The following SORCS2 variants were observed in gnomAD, a reference collection of about 807,000 sequenced individuals.
SORCS2 encodes the protein sortilin related VPS10 domain containing receptor 2, also known as VPS10 domain-containing receptor SorCS2.
A neutral mutation model predicts 141.6 loss-of-function variants in SORCS2; 100 were observed. The ratio of observed to expected loss-of-function variants is 0.71; its 90% CI spans 0.60 to 0.83. The LOEUF is 0.83. SORCS2 is among the 40% of genes least tolerant of loss of function. The probability of loss-of-function intolerance (pLI) is 0.00; values close to 1 mark genes in which losing one functional copy is unlikely to be tolerated. For missense variants in SORCS2, 1,646 were observed against 1,560.2 expected (o/e 1.05, Z -0.93); for synonymous variants, 789 against 676.9 (o/e 1.17, Z -2.57).
At chr4:7,307,856 G>A (rs1043803210) in intron 1 of SORCS2, among the ~76,000 whole-genome samples, 33 of 151,980 alleles carry the variant, frequency 2.2e-4, no homozygotes, top group Admixed American at 1.2e-3. Context: ...TGTGTGCTTG[G>A]TGTGTGTATG....
At chr4:7,529,310 T>G (rs1252759840) in intron 2 of SORCS2, among the ~76,000 whole-genome samples, 2 of 152,154 alleles carry the variant, frequency 1.3e-5, no homozygotes, top group Non-Finnish European at 2.9e-5. Flanking sequence ...CCTACACCGT[T>G]GATTCTTCTT....
chr4:7,433,861 A>G (rs748061483), intron 2 of SORCS2: 1 of 1,613,908 alleles, frequency 6.2e-7, no homozygotes, highest in Non-Finnish European at 8.5e-7. Context: ...GTAGGTGTCC[A>G]CCAAGATGAT....
intron 1 of SORCS2, among the ~76,000 whole-genome samples, chr4:7,273,040 G>T (rs1460005373): frequency 6.6e-6 from 1 of 152,234 alleles, no homozygotes; most frequent in Non-Finnish European, 1.5e-5. Context: ...TTTCTGAGTA[G>T]GGGGCTGCTA....
At chr4:7,544,995 T>C (rs1334012607) in intron 3 of SORCS2, among the ~76,000 whole-genome samples, 1 of 152,216 alleles carries the variant, frequency 6.6e-6, no homozygotes, top group Admixed American at 6.5e-5. Context: ...CAGCCTCCCC[T>C]GTGCAGGAGA....
intron 1 of SORCS2, chr4:7,381,908 G>A (rs1315172388): frequency 4.1e-6 from 4 of 986,580 alleles, no homozygotes; most frequent in East Asian, 1.1e-4. Flanking sequence ...AGAGCAGGCA[G>A]ACAGCAGAAT....
At chr4:7,395,144 C>CA (rs1413234510) in intron 1 of SORCS2, among the ~76,000 whole-genome samples, 1 of 140,372 alleles carries the variant, frequency 7.1e-6, no homozygotes, top group Non-Finnish European at 1.5e-5. Flanking sequence ...CTGTAAGATG[C>CA]ACACTGTCCC....
intron 8 of SORCS2, 26 bp from the exon 9 acceptor site, chr4:7,676,024 C>T (rs1199330422): frequency 6.4e-7 from 1 of 1,560,292 alleles, no homozygotes. Flanking sequence ...TGGCTCTGAC[C>T]CTGTGCTCCC....
intron 8 of SORCS2, among the ~76,000 whole-genome samples, chr4:7,669,521 T>A (rs1722678608): frequency 1.3e-5 from 2 of 152,248 alleles, no homozygotes; most frequent in Admixed American, 1.3e-4. Flanking sequence ...GCCCAGTGTT[T>A]CCCACCAACA....
intron 1 of SORCS2, among the ~76,000 whole-genome samples, chr4:7,303,360 G>GT (rs1188297392): frequency 2.0e-5 from 3 of 152,168 alleles, no homozygotes; most frequent in African/African-American, 4.8e-5. Context: ...GACAATGAAT[G>GT]TTTTTTATGC....
chr4:7,612,893 T>TGGGAGGGGAACAAAAAGAAGGGTTGG (rs1718507127), intron 3 of SORCS2, among the ~76,000 whole-genome samples: 1 of 147,414 alleles, frequency 6.8e-6, no homozygotes, highest in African/African-American at 2.6e-5. Flanking sequence ...TGGGAGGAGA[T>TGGGAGGGGAACAAAAAGAAGGGTTGG]GGGAGGGGAA....
At chr4:7,393,537 C>T (rs1313023492) in intron 1 of SORCS2, among the ~76,000 whole-genome samples, 1 of 152,198 alleles carries the variant, frequency 6.6e-6, no homozygotes, top group East Asian at 1.9e-4. Flanking sequence ...CAAATTCTAG[C>T]TCTGCCGCTT....
At chr4:7,447,946 C>T (rs1030598738) in intron 2 of SORCS2, among the ~76,000 whole-genome samples, 6 of 152,186 alleles carry the variant, frequency 3.9e-5, no homozygotes, top group East Asian at 1.9e-4. Flanking sequence ...CAGGCTGATG[C>T]GCTCCCTTCC....
At chr4:7,369,037 T>C (rs1007011471) in intron 1 of SORCS2, among the ~76,000 whole-genome samples, 4 of 152,208 alleles carry the variant, frequency 2.6e-5, no homozygotes, top group African/African-American at 9.6e-5. Context: ...GCTGGTGTGG[T>C]GGCTCACACC....
chr4:7,523,269 A>G (rs1000378805), intron 2 of SORCS2, among the ~76,000 whole-genome samples: 2 of 152,188 alleles, frequency 1.3e-5, no homozygotes, highest in South Asian at 2.1e-4. Context: ...CACGAGTGTC[A>G]GTGCTAGTGC....
At chr4:7,221,732 C>T (rs754587673) in intron 1 of SORCS2, among the ~76,000 whole-genome samples, 2 of 152,202 alleles carry the variant, frequency 1.3e-5, no homozygotes, top group Non-Finnish European at 2.9e-5. Context: ...GCTGCTGGGC[C>T]GTGGAGCGGG....
intron 3 of SORCS2, among the ~76,000 whole-genome samples, chr4:7,606,321 C>T (rs1453393853): frequency 2.0e-5 from 3 of 152,034 alleles, no homozygotes; most frequent in Non-Finnish European, 4.4e-5. Flanking sequence ...CCACTCAAAC[C>T]CATTTGACTG....
In SORCS2 at chr4:7,714,378, G is replaced by A. The variant is rs761375490; in HGVS notation, c.2123+5G>A. On this transcript the variant is annotated splice_donor_5th_base_variant and intron_variant, in intron 16 of 26. Transcript: ENST00000507866. Reference sequence around the variant, plus strand: ...CCGGGACTCGGACTTCCTGTGGTGAGCGACGGGCTCCTGGCCACGAGGCCT... The same window carrying A: ...CCGGGACTCGGACTTCCTGTGGTGAACGACGGGCTCCTGGCCACGAGGCCT... 2.2e-5 allele frequency: 34 copies of A among 1,550,384 alleles called. No individual in the cohort carries two copies.
rs577139955 is a variant in SORCS2, at chr4:7,507,168, T to C, written c.549-24362T>C. Among the ~76,000 whole-genome samples, 236 of 107,022 alleles carry C rather than the reference T, an allele frequency of 2.2e-3. 1 individual carries two copies. Among genetic ancestry groups the C allele is most frequent in the Non-Finnish European group, 1.8e-3 (98 of 55,066 alleles). 70.2% of individuals were successfully genotyped at this position (107,022 alleles called of 152,430 possible). A position where few individuals can be genotyped will look rare whatever the true frequency, so the allele number is the denominator to read the frequency against. On this transcript the variant is annotated intron_variant, in intron 2 of 26. Coordinates refer to ENST00000507866, the MANE Select transcript of SORCS2 (RefSeq NM_020777.3). ...TATAAAAATGAAAGTGGATAAATTCTTTTTTATTATTATTTATTTATTTTT... is the reference window on the plus strand; with the variant it reads ...TATAAAAATGAAAGTGGATAAATTCCTTTTTATTATTATTTATTTATTTTT...
intron 8 of SORCS2, among the ~76,000 whole-genome samples, chr4:7,670,085 G>A (rs1295929841): frequency 8.5e-5 from 13 of 152,138 alleles, no homozygotes; most frequent in African/African-American, 3.1e-4. Context: ...CAGAACAAAG[G>A]ATATAAATAT....
Sources: gnomAD v4.1 joint callset for allele counts (sites outside exome capture counted in the v4.1 genomes callset) on GRCh38, gnomAD v4.1.1 for gene constraint, MANE v1.5 for transcripts, NCBI Gene and HGNC (gene_info 2026-07-23, HGNC 2026-07-21) for gene names.